DIAPH2: variants seen among roughly 807,000 people sequenced by gnomAD.
DIAPH2 encodes the protein protein diaphanous homolog 2.
In DIAPH2, 35 loss-of-function variants were observed where a neutral mutation model predicts 92.7. The ratio of observed to expected loss-of-function variants is 0.38; its 90% CI spans 0.29 to 0.50. The LOEUF (loss-of-function observed/expected upper bound fraction) is 0.50. DIAPH2 is among the 20% of genes least tolerant of loss of function. The pLI, the probability that DIAPH2 is intolerant of heterozygous loss-of-function variation, is 0.94. For synonymous variants in DIAPH2, 301 were observed against 280.4 expected (o/e 1.07, Z -0.73); for missense variants, 701 against 819.5 (o/e 0.86, Z 1.77).
intron 23 of DIAPH2, among the ~76,000 whole-genome samples, chrX:97,274,381 G>A (rs2068419212): frequency 9.2e-6 from 1 of 108,805 alleles, no homozygotes. Context: ...GGTGGCACGT[G>A]CCTGTAATCC....
intron 4 of DIAPH2, among the ~76,000 whole-genome samples, chrX:96,823,791 T>C (rs760587451): frequency 7.2e-5 from 8 of 110,606 alleles, no homozygotes; most frequent in Non-Finnish European, 1.1e-4. Context: ...TATTCCATTA[T>C]GTTTATAAAA....
At chrX:96,988,596 A>C (rs1306937114) in intron 17 of DIAPH2, among the ~76,000 whole-genome samples, 1 of 111,046 alleles carries the variant, frequency 9.0e-6, no homozygotes, top group Non-Finnish European at 1.9e-5. Flanking sequence ...ATCATCTAGA[A>C]AAACCATCTG....
At chrX:96,700,690 A>C (rs973600948) in intron 1 of DIAPH2, among the ~76,000 whole-genome samples, 1 of 112,180 alleles carries the variant, frequency 8.9e-6, no homozygotes, top group African/African-American at 3.2e-5. Flanking sequence ...ACATACATAC[A>C]CATACACAGA....
chrX:97,407,544 AG>A (rs931302732), intron 25 of DIAPH2, among the ~76,000 whole-genome samples: 8 of 112,457 alleles, frequency 7.1e-5, no homozygotes, highest in Admixed American at 1.9e-4. Context: ...GTTTGCTGAA[AG>A]CATGATTGAA....
Position 97,064,074 on chromosome X carries a change from G to A in DIAPH2, c.2051-8867G>A, listed in dbSNP as rs1300830071. ...CTTTATGTTACTGGAGCTTTTACAT[G>A]TATGTGCCATTTCTTTCTCACAACA... On this transcript the variant is annotated intron_variant, in intron 17 of 26. Transcript: ENST00000324765. Among the ~76,000 whole-genome samples, 3 of 112,203 alleles carry A rather than the reference G, an allele frequency of 2.7e-5. No homozygotes were observed. The East Asian group carries it at 8.4e-4, about 31-fold the overall frequency.
At chrX:97,000,892 C>T (rs924263459) in intron 17 of DIAPH2, among the ~76,000 whole-genome samples, 11 of 111,352 alleles carry the variant, frequency 9.9e-5, no homozygotes, top group Non-Finnish European at 1.3e-4. Flanking sequence ...ACTGTCAGCC[C>T]ATGTGCCTGT....
At chrX:97,347,995 C>T (rs761620225) in intron 23 of DIAPH2, 121 bp from the exon 24 acceptor site, 1 of 688,737 alleles carries the variant, frequency 1.5e-6, no homozygotes, top group Non-Finnish European at 2.1e-6. Context: ...CAAACTAATA[C>T]ACAAGTATTT....
chrX:96,964,146 A>G (rs1315854838), intron 16 of DIAPH2, among the ~76,000 whole-genome samples: 1 of 111,170 alleles, frequency 9.0e-6, no homozygotes, highest in African/African-American at 3.3e-5. Flanking sequence ...TGTGTCATCC[A>G]ATAACATATT....
intron 5 of DIAPH2, among the ~76,000 whole-genome samples, chrX:96,889,866 G>A (rs1248965105): frequency 2.7e-5 from 3 of 111,985 alleles, no homozygotes; most frequent in African/African-American, 9.7e-5. Context: ...TACCAAAGAT[G>A]GGAGCATGCT....
At chrX:97,157,903 G>A (rs1003396625) in intron 22 of DIAPH2, among the ~76,000 whole-genome samples, 2 of 111,957 alleles carry the variant, frequency 1.8e-5, no homozygotes, top group East Asian at 2.8e-4. Flanking sequence ...AAAAGTATAC[G>A]CCGAGCCTTA....
At chrX:96,998,106 G>A (rs1346767503) in intron 17 of DIAPH2, among the ~76,000 whole-genome samples, 1 of 111,966 alleles carries the variant, frequency 8.9e-6, no homozygotes, top group East Asian at 2.8e-4. Context: ...TTTATTTAAA[G>A]GACATCCTTA....
At chrX:96,843,436 T>C (rs2147704149) in intron 4 of DIAPH2, among the ~76,000 whole-genome samples, 1 of 111,822 alleles carries the variant, frequency 8.9e-6, no homozygotes, top group South Asian at 3.7e-4. Flanking sequence ...AAGACATGAC[T>C]GTGGAAGGGA....
At chrX:96,774,115 AC>A (rs767472006) in intron 4 of DIAPH2, among the ~76,000 whole-genome samples, 1 of 111,446 alleles carries the variant, frequency 9.0e-6, no homozygotes, top group Admixed American at 9.6e-5. Context: ...AAGAATTATC[AC>A]CCCCATTTTA....
intron 4 of DIAPH2, among the ~76,000 whole-genome samples, chrX:96,836,897 T>G (rs759729427): frequency 1.4e-3 from 144 of 99,413 alleles, no homozygotes; most frequent in South Asian, 0.012. Context: ...CCGGCTAATT[T>G]TTTGTATTTT....
At chrX:97,403,079 C>T (rs190224868) in intron 25 of DIAPH2, among the ~76,000 whole-genome samples, 9 of 111,889 alleles carry the variant, frequency 8.0e-5, no homozygotes, top group Non-Finnish European at 1.7e-4. Flanking sequence ...CTTCTGAGAG[C>T]AGGGCCCTAT....
At chrX:97,364,759 G>GTTTTTTTTTTTTT (rs11286549) in intron 24 of DIAPH2, among the ~76,000 whole-genome samples, 2 of 56,568 alleles carry the variant, frequency 3.5e-5, no homozygotes, top group African/African-American at 5.8e-5. Context: ...GTCTCCTGGT[G>GTTTTTTTTTTTTT]TTTTTTTTTT....
intron 26 of DIAPH2, among the ~76,000 whole-genome samples, chrX:97,445,966 A>G (rs1056510084): frequency 9.2e-6 from 1 of 108,199 alleles, no homozygotes; most frequent in African/African-American, 3.4e-5. Context: ...CCCTCTCTTA[A>G]TTTATGTAAA....
chrX:96,908,986 C>G (rs2065452553), intron 5 of DIAPH2, among the ~76,000 whole-genome samples: 1 of 111,751 alleles, frequency 8.9e-6, no homozygotes, highest in African/African-American at 3.2e-5. Context: ...GAGTTCTGAG[C>G]CTGAGTCTTG....
chrX:96,859,656 T>G (rs1402977910), intron 4 of DIAPH2, among the ~76,000 whole-genome samples: 1 of 97,018 alleles, frequency 1.0e-5, no homozygotes, highest in Non-Finnish European at 2.1e-5. Flanking sequence ...TTTATTTATT[T>G]TTTGAGAGGG....
Sources: gnomAD v4.1 joint callset for allele counts (sites outside exome capture counted in the v4.1 genomes callset) on GRCh38, gnomAD v4.1.1 for gene constraint, MANE v1.5 for transcripts, NCBI Gene and HGNC (gene_info 2026-07-23, HGNC 2026-07-21) for gene names.